CEP55: variants seen among roughly 807,000 people sequenced by gnomAD.
The protein encoded by CEP55 is centrosomal protein 55.
CEP55 carries 57 observed loss-of-function variants against 63.2 expected under a neutral mutation model. That is an observed-to-expected ratio of 0.90 (90% CI 0.73 to 1.13). The LOEUF (loss-of-function observed/expected upper bound fraction) is 1.13. Among genes scored for constraint, CEP55 ranks in the 50% most tolerant of loss-of-function variants. CEP55 has a pLI of 0.00. For missense variants in CEP55, 456 were observed against 518.9 expected, an observed-to-expected ratio of 0.88 and a Z score of 1.18; for synonymous variants, 178 against 191.6, an observed-to-expected ratio of 0.93 and a Z score of 0.59.
At chr10:93,504,211 G>A (rs977241259) in intron 3 of CEP55, among the ~76,000 whole-genome samples, 9 of 152,152 alleles carry the variant, frequency 5.9e-5, no homozygotes, top group South Asian at 2.1e-4. Context: ...GGTGGCTCAC[G>A]CCTATAATCC....
intron 1 of CEP55, among the ~76,000 whole-genome samples, chr10:93,498,708 G>A (rs962381185): frequency 6.6e-6 from 1 of 151,798 alleles, no homozygotes; most frequent in Non-Finnish European, 1.5e-5. Flanking sequence ...CTTCTCTTGT[G>A]TAATATTTAT....
intron 5 of CEP55, among the ~76,000 whole-genome samples, chr10:93,516,455 TTC>T (rs147558880): frequency 0.086 from 12,806 of 149,074 alleles, 590 homozygotes; most frequent in Non-Finnish European, 0.1. Flanking sequence ...GGTAATACAG[TTC>T]TCTCTCTCTC....
rs564386275 is a variant in CEP55, at chr10:93,522,893, G to C, written c.1191+3086G>C. ...CTTTACAGACAAGCAAATGCTGAGA[G>C]ATTTTGTCACCACCAGGCCTGCCCT... On this transcript the variant is annotated intron_variant, in intron 8 of 8. Coordinates refer to ENST00000371485, the MANE Select transcript of CEP55 (RefSeq NM_018131.5). 2.6e-5 allele frequency among the ~76,000 whole-genome samples: 4 copies of C among 152,284 alleles called. No homozygotes were observed. In the East Asian group the frequency reaches 7.7e-4, roughly 29 times the overall value.
At chr10:93,499,026 A>G (rs1278742440) in intron 1 of CEP55, among the ~76,000 whole-genome samples, 2 of 152,158 alleles carry the variant, frequency 1.3e-5, no homozygotes, top group Admixed American at 6.5e-5. Context: ...TATGCATCGT[A>G]TGCTTCACTA....
At chr10:93,516,489 C>G (rs1473945829) in intron 5 of CEP55, among the ~76,000 whole-genome samples, 1 of 151,894 alleles carries the variant, frequency 6.6e-6, no homozygotes, top group African/African-American at 2.4e-5. Context: ...CTCTGTGTGT[C>G]TGTTTTATCA....
intron 8 of CEP55, among the ~76,000 whole-genome samples, chr10:93,523,030 G>A (rs1425951774): frequency 6.6e-6 from 1 of 152,106 alleles, no homozygotes; most frequent in African/African-American, 2.4e-5. Context: ...ACTGCATCAA[G>A]TAAAGAGCAA....
At chr10:93,525,297 CA>C (rs1156836058) in intron 8 of CEP55, among the ~76,000 whole-genome samples, 4 of 152,114 alleles carry the variant, frequency 2.6e-5, no homozygotes, top group Non-Finnish European at 5.9e-5. Context: ...ACACCAATAA[CA>C]GACAGAGAGC....
intron 3 of CEP55, among the ~76,000 whole-genome samples, chr10:93,506,335 A>G (rs2057688557): frequency 6.6e-6 from 1 of 152,218 alleles, no homozygotes; most frequent in South Asian, 2.1e-4. Flanking sequence ...TCATTTAAAT[A>G]GCCTAGTTGT....
At chr10:93,501,225 C>T (rs751226270) in intron 2 of CEP55, among the ~76,000 whole-genome samples, 3 of 152,182 alleles carry the variant, frequency 2.0e-5, no homozygotes, top group Non-Finnish European at 4.4e-5. Context: ...CATTTACACT[C>T]TGTTCAACTA....
intron 3 of CEP55, among the ~76,000 whole-genome samples, 162 bp downstream of exon 3, chr10:93,503,550 C>T (rs1221965602): frequency 2.0e-5 from 3 of 152,028 alleles, no homozygotes; most frequent in Non-Finnish European, 4.4e-5. Context: ...AGCCCAGTCC[C>T]TTCTCTATAA....
chr10:93,519,492 C>T (rs1327783924), intron 7 of CEP55, among the ~76,000 whole-genome samples, 190 bp from the exon 8 acceptor site: 1 of 152,188 alleles, frequency 6.6e-6, no homozygotes, highest in Non-Finnish European at 1.5e-5. Flanking sequence ...TGGCTTTGCT[C>T]CTTGGATAAA....
chr10:93,523,522 C>A (rs1443885199), intron 8 of CEP55, among the ~76,000 whole-genome samples: 1 of 152,166 alleles, frequency 6.6e-6, no homozygotes, highest in Non-Finnish European at 1.5e-5. Flanking sequence ...CAACATGAGA[C>A]AGATCCACGA....
intron 1 of CEP55, among the ~76,000 whole-genome samples, chr10:93,498,808 T>TC (rs2057601238): frequency 7.7e-6 from 1 of 129,694 alleles, no homozygotes. Context: ...AGGGAACATG[T>TC]CTTTTTTTTT....
intron 8 of CEP55, among the ~76,000 whole-genome samples, chr10:93,524,017 A>G (rs920427352): frequency 6.6e-6 from 1 of 152,200 alleles, no homozygotes; most frequent in African/African-American, 2.4e-5. Context: ...CCCTAACGTC[A>G]CAATTAAAAG....
chr10:93,503,111 A>G lies in CEP55; in HGVS notation c.184-2A>G. On this transcript the variant is annotated splice_acceptor_variant, in intron 2 of 8. Coordinates refer to ENST00000371485, the MANE Select transcript of CEP55 (RefSeq NM_018131.5). LOFTEE classifies it high-confidence loss of function. ...CTAAGATTCTTCTTAGTTTATGTCT[A>G]GAAAATTCGAGTCCTTGAGGCTGAG... 1.2e-6 allele frequency: 2 copies of G among 1,609,814 alleles called. No individual in the cohort carries two copies. Among genetic ancestry groups the G allele is most frequent in the Non-Finnish European group, 1.7e-6 (2 of 1,178,148 alleles).
At chr10:93,525,813 C>G (rs1412540391) in intron 8 of CEP55, among the ~76,000 whole-genome samples, 1 of 151,966 alleles carries the variant, frequency 6.6e-6, no homozygotes, top group Non-Finnish European at 1.5e-5. Flanking sequence ...CTTTGACAAA[C>G]CTGACAACAA....
intron 5 of CEP55, among the ~76,000 whole-genome samples, chr10:93,516,519 T>A (rs1161423240): frequency 6.6e-6 from 1 of 152,176 alleles, no homozygotes; most frequent in Non-Finnish European, 1.5e-5. Context: ...AAGCACTTGT[T>A]AGAATAATGT....
rs1255224023 is a variant in CEP55 at position 93,505,405 on chromosome 10, A to G, written c.460-1583A>G. Among the ~76,000 whole-genome samples the G allele has an allele frequency of 5.3e-5, 8 of 152,122 alleles. No homozygotes were observed. In the East Asian group the frequency reaches 1.2e-3, roughly 22 times the overall value. On this transcript the variant is annotated intron_variant, in intron 3 of 8. Coordinates refer to ENST00000371485, the MANE Select transcript of CEP55 (RefSeq NM_018131.5). ...TAGCTGTGAGATGGAGCTTGTGGAGAACTGCCTAGGAGGGGTCTGGGGCCA... is the reference window on the plus strand; with the variant it reads ...TAGCTGTGAGATGGAGCTTGTGGAGGACTGCCTAGGAGGGGTCTGGGGCCA...
chr10:93,503,377 C>A lies in CEP55; in HGVS notation c.448C>A (p.Arg150Ser). Residue 150 changes from arginine to serine, a missense_variant, in exon 3 of 9, where the codon CGT (arginine) becomes AGT (serine). Coordinates refer to ENST00000371485, the MANE Select transcript of CEP55 (RefSeq NM_018131.5). ...ACTTGAAAGCAAAACCAATACACTC[C>A]GTTTATCACAGGTGCTAATCATTTC... Reference protein sequence around the residue: ...AELESKTNTLRLSQTVAPNCF... With the variant: ...AELESKTNTLSLSQTVAPNCF... 2 of 1,612,216 alleles carry A rather than the reference C, an allele frequency of 1.2e-6. No homozygotes were observed. Among genetic ancestry groups the A allele is most frequent in the East Asian group, 2.2e-5 (1 of 44,840 alleles).
Sources: gnomAD v4.1 joint callset for allele counts (sites outside exome capture counted in the v4.1 genomes callset) on GRCh38, gnomAD v4.1.1 for gene constraint, MANE v1.5 for transcripts, NCBI Gene and HGNC (gene_info 2026-07-23, HGNC 2026-07-21) for gene names.